Variants in ADK observed in about 807,000 individuals in gnomAD.
ADK encodes N6,N6-dimethyladenosine kinase.
In ADK, 24 loss-of-function variants were observed where a neutral mutation model predicts 44.7. The ratio of observed to expected loss-of-function variants is 0.54; its 90% confidence interval spans 0.39 to 0.76. ADK has a LOEUF of 0.76. Ranked by LOEUF, ADK falls within the 30% of genes least tolerant of loss-of-function variation. The probability of loss-of-function intolerance (pLI) is 0.00; values close to 1 mark genes in which losing one functional copy is unlikely to be tolerated. For missense variants in ADK, 321 were observed against 425.1 expected (o/e 0.76, Z 2.15); for synonymous variants, 128 against 142.6 (o/e 0.90, Z 0.73).
chr10:74,509,026 T>A (rs796961150), intron 6 of ADK, among the ~76,000 whole-genome samples: 1 of 152,166 alleles, frequency 6.6e-6, no homozygotes, highest in South Asian at 2.1e-4. Context: ...TATTCACAGG[T>A]GTGATCATTG....
At chr10:74,294,927 C>T (rs1160267710) in intron 3 of ADK, among the ~76,000 whole-genome samples, 1 of 152,076 alleles carries the variant, frequency 6.6e-6, no homozygotes, top group East Asian at 2.0e-4. Context: ...GTGATCTCGG[C>T]TCACTGCAGC....
intron 6 of ADK, among the ~76,000 whole-genome samples, chr10:74,435,852 A>G (rs1355657706): frequency 6.6e-6 from 1 of 152,232 alleles, no homozygotes; most frequent in Non-Finnish European, 1.5e-5. Flanking sequence ...ATTTTCCTAG[A>G]TAAGCAAGTC....
At chr10:74,201,993 G>A (rs1216713194) in intron 2 of ADK, among the ~76,000 whole-genome samples, 1 of 152,050 alleles carries the variant, frequency 6.6e-6, no homozygotes, top group African/African-American at 2.4e-5. Context: ...GTGACTGCCA[G>A]TATATTCACA....
chr10:74,672,559 A>AT (rs1170253567), intron 10 of ADK, among the ~76,000 whole-genome samples: 1 of 152,174 alleles, frequency 6.6e-6, no homozygotes, highest in Non-Finnish European at 1.5e-5. Context: ...TTAGATAGCC[A>AT]TTTTTCTCAC....
At chr10:74,219,209 G>A (rs1386151665) in intron 2 of ADK, among the ~76,000 whole-genome samples, 2 of 151,598 alleles carry the variant, frequency 1.3e-5, no homozygotes, top group Non-Finnish European at 2.9e-5. Flanking sequence ...AAAAGGCAGG[G>A]CTTGCAATCC....
intron 7 of ADK, among the ~76,000 whole-genome samples, chr10:74,528,576 G>A (rs1268617647): frequency 6.6e-6 from 1 of 152,016 alleles, no homozygotes; most frequent in African/African-American, 2.4e-5. Context: ...ACAAGAATGT[G>A]AAAAGACAAC....
intron 3 of ADK, among the ~76,000 whole-genome samples, chr10:74,250,245 A>G (rs1845597730): frequency 6.6e-6 from 1 of 152,208 alleles, no homozygotes; most frequent in Non-Finnish European, 1.5e-5. Context: ...AATTTTCTCT[A>G]GCTGTGAGGT....
intron 10 of ADK, among the ~76,000 whole-genome samples, chr10:74,702,652 G>A (rs1856476743): frequency 6.6e-6 from 1 of 150,810 alleles, no homozygotes; most frequent in African/African-American, 2.4e-5. Context: ...AGGCTGGAGT[G>A]CAGTGACATG....
At chr10:74,279,441 C>T (rs1846830821) in intron 3 of ADK, among the ~76,000 whole-genome samples, 1 of 151,886 alleles carries the variant, frequency 6.6e-6, no homozygotes, top group South Asian at 2.1e-4. Flanking sequence ...CAAAAATTAG[C>T]TGGGCATGGT....
At chr10:74,700,092 G>A (rs1458251472) in intron 10 of ADK, among the ~76,000 whole-genome samples, 1 of 152,076 alleles carries the variant, frequency 6.6e-6, no homozygotes, top group African/African-American at 2.4e-5. Context: ...ATTCATTGTA[G>A]CATTGTTTAT....
intron 9 of ADK, among the ~76,000 whole-genome samples, chr10:74,636,522 A>G (rs938089479): frequency 6.6e-6 from 1 of 152,186 alleles, no homozygotes; most frequent in Non-Finnish European, 1.5e-5. Flanking sequence ...ATAGCAAGCT[A>G]ATGAAAAAAA....
chr10:74,633,955 G>A (rs530424236), intron 9 of ADK, among the ~76,000 whole-genome samples: 1 of 152,172 alleles, frequency 6.6e-6, no homozygotes, highest in Non-Finnish European at 1.5e-5. Context: ...ACCATACAGA[G>A]GTAGCCCTAA....
chr10:74,673,834 G>A (rs1175793599), intron 10 of ADK, among the ~76,000 whole-genome samples: 3 of 152,156 alleles, frequency 2.0e-5, no homozygotes, highest in African/African-American at 4.8e-5. Flanking sequence ...GGAGCTGAAA[G>A]GGGGATGAAG....
At chr10:74,662,765 T>G (rs1854787313) in intron 9 of ADK, among the ~76,000 whole-genome samples, 1 of 152,196 alleles carries the variant, frequency 6.6e-6, no homozygotes, top group South Asian at 2.1e-4. Flanking sequence ...GCCTCTGCAC[T>G]TGAATGTTCT....
At chr10:74,573,107 C>T (rs1851033513) in intron 7 of ADK, among the ~76,000 whole-genome samples, 2 of 151,356 alleles carry the variant, frequency 1.3e-5, no homozygotes, top group African/African-American at 4.9e-5. Flanking sequence ...AGTTTTTCTG[C>T]TCTGTTTTTT....
At chr10:74,279,528 G>A (rs1310548024) in intron 3 of ADK, among the ~76,000 whole-genome samples, 1 of 150,112 alleles carries the variant, frequency 6.7e-6, no homozygotes, top group African/African-American at 2.5e-5. Flanking sequence ...GCAGTGAGCC[G>A]AGATCGTACC....
chr10:74,230,515 A>G (rs935728071), intron 3 of ADK, among the ~76,000 whole-genome samples: 1 of 150,242 alleles, frequency 6.7e-6, no homozygotes, highest in Middle Eastern at 3.4e-3. Flanking sequence ...TTTGTCACCC[A>G]GGCTAGAAAA....
intron 10 of ADK, among the ~76,000 whole-genome samples, chr10:74,685,971 G>T (rs868370873): frequency 7.9e-5 from 12 of 151,320 alleles, no homozygotes; most frequent in Non-Finnish European, 1.2e-4. Context: ...GTTTGTTTTG[G>T]TTTTTTTTGA....
chr10:74,614,114 A>G (rs1230286651), intron 9 of ADK, among the ~76,000 whole-genome samples: 4 of 152,158 alleles, frequency 2.6e-5, no homozygotes, highest in Admixed American at 6.5e-5. Context: ...TTAGAATAAC[A>G]TGTGGACCTG....
Sources: allele counts gnomAD v4.1 joint callset (sites outside exome capture counted in the v4.1 genomes callset), GRCh38; gene constraint gnomAD v4.1.1; transcripts MANE v1.5; gene names NCBI Gene and HGNC (gene_info 2026-07-23, HGNC 2026-07-21).